The following GARNL3 variants were observed in gnomAD, a reference collection of about 807,000 sequenced individuals.
The protein encoded by GARNL3 is GTPase-activating Rap/Ran-GAP domain-like protein 3.
A neutral mutation model predicts 125.0 loss-of-function variants in GARNL3; 63 were observed. The observed-to-expected ratio is 0.50, with a 90% confidence interval of 0.41 to 0.62. The LOEUF (loss-of-function observed/expected upper bound fraction) is 0.62. Among genes scored for constraint, GARNL3 ranks in the 20% least tolerant of loss-of-function variants. The pLI, the probability that GARNL3 is intolerant of heterozygous loss-of-function variation, is 0.00. For missense variants in GARNL3, 994 were observed against 1,244.0 expected, an observed-to-expected ratio of 0.80 and a Z score of 3.02; for synonymous variants, 439 against 457.5, an observed-to-expected ratio of 0.96 and a Z score of 0.52.
chr9:127,244,322 G>T (rs1220964301), intron 2 of GARNL3, among the ~76,000 whole-genome samples: 1 of 152,224 alleles, frequency 6.6e-6, no homozygotes, highest in African/African-American at 2.4e-5. Context: ...CTTGTAGGAT[G>T]AGCATTGATC....
intron 4 of GARNL3, among the ~76,000 whole-genome samples, chr9:127,314,230 T>G (rs2065172535): frequency 6.6e-6 from 1 of 152,172 alleles, no homozygotes; most frequent in African/African-American, 2.4e-5. Flanking sequence ...AGGTCAGATG[T>G]GAGGAGGCAG....
At position 127,266,017 on chromosome 9, in the gene GARNL3, G is replaced by A. The variant is rs1458515207; in HGVS notation, c.144+996G>A. 6.6e-6 allele frequency among the ~76,000 whole-genome samples: 1 copy of A among 152,184 alleles called. No homozygotes were observed. Among genetic ancestry groups the A allele is most frequent in the African/African-American group, 2.4e-5 (1 of 41,450 alleles). ...GTTCTTAAGGAGCTTACTGTCCTCT[G>A]GCTGGGCAGATAAGACACATAAAAT... On this transcript the variant is annotated intron_variant, in intron 1 of 27. Coordinates refer to ENST00000373387, the MANE Select transcript of GARNL3 (RefSeq NM_032293.5). This position sits in a 1 kb window ranked among gnomAD's most constrained non-coding sequence, Gnocchi z 4.0.
At chr9:127,389,151 T>C (rs778889494) in intron 26 of GARNL3, 32 bp downstream of exon 26, 5 of 1,476,878 alleles carry the variant, frequency 3.4e-6, no homozygotes, top group Non-Finnish European at 4.7e-6. Context: ...TTCCACTGTC[T>C]GTGAACAGAC....
chr9:127,345,915 C>G (rs1000681996), intron 16 of GARNL3, among the ~76,000 whole-genome samples: 3 of 152,254 alleles, frequency 2.0e-5, no homozygotes, highest in African/African-American at 7.2e-5. Flanking sequence ...CAGTGCTGCT[C>G]AAGCTTCAGT....
intron 2 of GARNL3, among the ~76,000 whole-genome samples, chr9:127,308,613 T>A (rs1410794138): frequency 6.6e-6 from 1 of 152,144 alleles, no homozygotes; most frequent in African/African-American, 2.4e-5. Flanking sequence ...GTGGAAATGT[T>A]GCAGATGAAG....
Position 127,357,210 on chromosome 9 carries a change from A to G in GARNL3, c.1936-9A>G, listed in dbSNP as rs1830734861. ...ACCCCTGTCTCTTGTATCCTCACCA[A>G]CCACACAGGAGATCTGTCTGTCTGA... On this transcript the variant is annotated splice_polypyrimidine_tract_variant and intron_variant, in intron 20 of 27. Transcript: ENST00000373387. The G allele has an allele frequency of 6.2e-7, 1 of 1,613,822 alleles. No individual in the cohort carries two copies. Among genetic ancestry groups the G allele is most frequent in the Non-Finnish European group, 8.5e-7 (1 of 1,179,910 alleles).
chr9:127,380,200 ATGTGTGTGTGTGTGTG>A (rs55906930), intron 22 of GARNL3, among the ~76,000 whole-genome samples: 2 of 141,642 alleles, frequency 1.4e-5, no homozygotes, highest in Non-Finnish European at 3.1e-5. Flanking sequence ...CTCAAAAAAT[ATGTGTGTGTGTGTGTG>A]TGTGTGTGTG....
intron 2 of GARNL3, among the ~76,000 whole-genome samples, chr9:127,293,425 T>C (rs1253078855): frequency 6.6e-6 from 1 of 152,250 alleles, no homozygotes; most frequent in African/African-American, 2.4e-5. Flanking sequence ...TTCACTTTCT[T>C]GGTTGTGTCC....
At chr9:127,224,622 G>C (rs1487069603) in intron 1 of GARNL3, 1 of 153,570 alleles carries the variant, frequency 6.5e-6, no homozygotes, top group African/African-American at 2.4e-5. Flanking sequence ...CAATAGAAAG[G>C]GCCAGGAGGT....
chr9:127,378,102 A>T (rs773326343), intron 22 of GARNL3, among the ~76,000 whole-genome samples: 1 of 151,680 alleles, frequency 6.6e-6, no homozygotes, highest in Non-Finnish European at 1.5e-5. Context: ...TTAGCCAGGC[A>T]TGGTGGCACA....
intron 1 of GARNL3, 105 bp downstream of exon 1, chr9:127,265,126 G>A: frequency 1.1e-6 from 1 of 917,022 alleles, no homozygotes; most frequent in Non-Finnish European, 1.6e-6. Context: ...AGACCATGTG[G>A]GTACAGTGTA....
intron 1 of GARNL3, among the ~76,000 whole-genome samples, chr9:127,278,188 A>G (rs1170034333): frequency 6.6e-6 from 1 of 152,264 alleles, no homozygotes; most frequent in Admixed American, 6.5e-5. Flanking sequence ...AGCACAGAGA[A>G]GAAAATTAAA....
rs903540193 is a variant in GARNL3, at chr9:127,279,750, A to AT, written c.145-11409dup. 2.9e-3 allele frequency among the ~76,000 whole-genome samples: 444 copies of AT among 150,602 alleles called. 1 individual carries two copies. The highest frequency in any genetic ancestry group is 9.7e-3 in the African/African-American group (400 of 41,070). On this transcript the variant is annotated intron_variant, in intron 1 of 27. Coordinates refer to ENST00000373387, the MANE Select transcript of GARNL3 (RefSeq NM_032293.5). ...TGTGTAGCATTTTTTCATAGCCCCCATTTTTTTTTGTTTTGTTTTCATTTT... is the reference window on the plus strand; with the variant it reads ...TGTGTAGCATTTTTTCATAGCCCCCATTTTTTTTTTGTTTTGTTTTCATTTT...
At position 127,280,500 on chromosome 9, in the gene GARNL3, G is replaced by A. The variant is rs2064075386; in HGVS notation, c.145-10668G>A. 1.3e-5 allele frequency among the ~76,000 whole-genome samples: 2 copies of A among 152,178 alleles called. No homozygotes were observed. Among genetic ancestry groups the A allele is most frequent in the East Asian group, 1.9e-4 (1 of 5,202 alleles). On this transcript the variant is annotated intron_variant, in intron 1 of 27. Coordinates refer to ENST00000373387, the MANE Select transcript of GARNL3 (RefSeq NM_032293.5). This position sits in a 1 kb window ranked among gnomAD's most constrained non-coding sequence, Gnocchi z 4.5. ...TAGATGGTGTGGGGAAGATTAAAGT[G>A]CCTTCCAACCTTCCATAATTACCAC...
intron 1 of GARNL3, among the ~76,000 whole-genome samples, chr9:127,289,026 G>A (rs1282594068): frequency 6.6e-6 from 1 of 152,180 alleles, no homozygotes; most frequent in Non-Finnish European, 1.5e-5. Context: ...AGCCCTTGAG[G>A]CAGCCTATAC....
At chr9:127,309,861 G>A (rs989283091) in intron 2 of GARNL3, among the ~76,000 whole-genome samples, 3 of 152,108 alleles carry the variant, frequency 2.0e-5, no homozygotes, top group Non-Finnish European at 4.4e-5. Context: ...CTAGTAAATC[G>A]CTAGAGGCAT....
chr9:127,276,037 GC>G (rs2063946958), intron 1 of GARNL3, among the ~76,000 whole-genome samples: 1 of 151,786 alleles, frequency 6.6e-6, no homozygotes, highest in Non-Finnish European at 1.5e-5. Context: ...TCCTTTTGAT[GC>G]TTCCCTTCCT....
intron 1 of GARNL3, among the ~76,000 whole-genome samples, chr9:127,284,715 A>C (rs1430458772): frequency 2.0e-5 from 3 of 146,722 alleles, no homozygotes; most frequent in Non-Finnish European, 4.5e-5. Flanking sequence ...AATAGTATCT[A>C]ATTTTACTAT....
chr9:127,263,775 C>T (rs1182705754), upstream of GARNL3: 5 of 1,231,328 alleles, frequency 4.1e-6, no homozygotes, highest in East Asian at 1.6e-4. Context: ...TTAAATTTCT[C>T]ATATAAGATT....
Sources: gnomAD v4.1 joint callset for allele counts (sites outside exome capture counted in the v4.1 genomes callset) on GRCh38, gnomAD v4.1.1 for gene constraint, Gnocchi (gnomAD v3.1) non-coding constraint, MANE v1.5 for transcripts, NCBI Gene and HGNC (gene_info 2026-07-23, HGNC 2026-07-21) for gene names.